JAKMIP1: variants seen among roughly 807,000 people sequenced by gnomAD.
JAKMIP1 encodes janus kinase and microtubule interacting protein 1.
A neutral mutation model predicts 113.0 loss-of-function variants in JAKMIP1; 33 were observed. That is an observed-to-expected ratio of 0.29 (90% confidence interval 0.22 to 0.39). The LOEUF is 0.39. Ranked by LOEUF, JAKMIP1 falls within the 10% of genes least tolerant of loss-of-function variation. The pLI is 1.00. For synonymous variants in JAKMIP1, 480 were observed against 459.9 expected (o/e 1.04, Z -0.56); for missense variants, 813 against 1,080.5 (o/e 0.75, Z 3.47).
At chr4:6,075,697 C>T (rs935300041) in intron 8 of JAKMIP1, among the ~76,000 whole-genome samples, 6 of 152,184 alleles carry the variant, frequency 3.9e-5, no homozygotes, top group African/African-American at 1.2e-4. Flanking sequence ...AAAGGCAATT[C>T]GCTTATTTAG....
In JAKMIP1 at chr4:6,182,245, A is replaced by G. The variant is rs116741145; in HGVS notation, c.-148+18008T>C. On this transcript the variant is annotated intron_variant, in intron 1 of 20. Transcript: ENST00000409021. ...GGCAACATAATGAGACCTCATCTCT[A>G]CAAAATTAAAAAAATTAGTCAGGTG... Among the ~76,000 whole-genome samples the G allele has an allele frequency of 7.3e-3, 1,116 of 151,946 alleles. 13 individuals are homozygous for G. The highest frequency in any genetic ancestry group is 0.026 in the African/African-American group (1,061 of 41,440).
chr4:6,123,920 C>T (rs1397883741), intron 1 of JAKMIP1, among the ~76,000 whole-genome samples: 2 of 152,216 alleles, frequency 1.3e-5, no homozygotes, highest in Admixed American at 6.5e-5. Flanking sequence ...AAGGTGCTTG[C>T]TGTCTCTTTT....
In JAKMIP1 at chr4:6,096,210, A is replaced by T. The variant is rs902044982; in HGVS notation, c.624+9263T>A. On this transcript the variant is annotated intron_variant, in intron 3 of 20. Coordinates refer to ENST00000409021, the MANE Select transcript of JAKMIP1 (RefSeq NM_001099433.2). ...AATTACACCCTACCTTTAAAAAAAAATCCTGGCTAATTTGATTGGGTATGA... is the reference window on the plus strand; with the variant it reads ...AATTACACCCTACCTTTAAAAAAAATTCCTGGCTAATTTGATTGGGTATGA... 3.3e-5 allele frequency among the ~76,000 whole-genome samples: 5 copies of T among 152,298 alleles called. No homozygotes were observed. In the South Asian group the frequency reaches 1.0e-3, roughly 32 times the overall value.
rs752005027 is a variant in JAKMIP1, at chr4:6,192,471, G to A, written c.-148+7782C>T. Among the ~76,000 whole-genome samples the A allele has an allele frequency of 1.3e-5, 2 of 152,194 alleles. No individual in the cohort carries two copies. Among genetic ancestry groups the A allele is most frequent in the African/African-American group, 4.8e-5 (2 of 41,442 alleles). ...ACCGGCTGACAAACACCCACTGCAC[G>A]CAGACGCCACTGAGCCTGTTTTGGT... On this transcript the variant is annotated intron_variant, in intron 1 of 20. Coordinates refer to ENST00000409021, the MANE Select transcript of JAKMIP1 (RefSeq NM_001099433.2). The surrounding 1 kb of genome is among the most constrained non-coding windows in gnomAD (Gnocchi z 5.0).
At position 6,140,094 on chromosome 4, in the gene JAKMIP1, G is replaced by T. The variant is rs1003436383; in HGVS notation, c.-147-27097C>A. 2.0e-5 allele frequency among the ~76,000 whole-genome samples: 3 copies of T among 152,158 alleles called. No individual in the cohort carries two copies. Among genetic ancestry groups the T allele is most frequent in the African/African-American group, 7.2e-5 (3 of 41,404 alleles). On this transcript the variant is annotated intron_variant, in intron 1 of 20. Coordinates refer to ENST00000409021, the MANE Select transcript of JAKMIP1 (RefSeq NM_001099433.2). The surrounding 1 kb of genome is among the most constrained non-coding windows in gnomAD (Gnocchi z 9.4). Reference sequence around the variant, plus strand: ...AACGAATATATTTATTAGATGGATTGAGATGTACTGAGAATAGCTATGAAC... The same window carrying T: ...AACGAATATATTTATTAGATGGATTTAGATGTACTGAGAATAGCTATGAAC...
intron 8 of JAKMIP1, among the ~76,000 whole-genome samples, chr4:6,072,119 T>A (rs1045594999): frequency 6.6e-6 from 1 of 152,186 alleles, no homozygotes; most frequent in African/African-American, 2.4e-5. Context: ...AGTGTTGATT[T>A]ACTGAGCACA....
intron 1 of JAKMIP1, among the ~76,000 whole-genome samples, chr4:6,196,265 C>A (rs992240951): frequency 1.3e-4 from 20 of 152,192 alleles, no homozygotes; most frequent in African/African-American, 3.4e-4. Flanking sequence ...CCACTCCCTG[C>A]AAGCGCTCCT....
intron 11 of JAKMIP1, among the ~76,000 whole-genome samples, chr4:6,057,505 G>C (rs1451953899): frequency 1.3e-5 from 2 of 152,186 alleles, no homozygotes; most frequent in Admixed American, 1.3e-4. Context: ...ATGCACAGAA[G>C]AGGCCCTGGT....
At chr4:6,182,295 G>C (rs1384034006) in intron 1 of JAKMIP1, among the ~76,000 whole-genome samples, 1 of 151,720 alleles carries the variant, frequency 6.6e-6, no homozygotes, top group Non-Finnish European at 1.5e-5. Flanking sequence ...TGTAGTCCCA[G>C]CTACTTGGGA....
At chr4:6,041,853 T>C (rs1237456623) in intron 17 of JAKMIP1, among the ~76,000 whole-genome samples, 1 of 152,222 alleles carries the variant, frequency 6.6e-6, no homozygotes, top group Admixed American at 6.5e-5. Flanking sequence ...CATGAACGCA[T>C]GACCCTGCAG....
At position 6,156,102 on chromosome 4, in the gene JAKMIP1, C is replaced by A. The variant is rs1050829376; in HGVS notation, c.-147-43105G>T. Reference sequence around the variant, plus strand: ...CATCAACAAACTATTCTGAAATAATCTGTTGGCATTTCTAAATACCTGACC... The same window carrying A: ...CATCAACAAACTATTCTGAAATAATATGTTGGCATTTCTAAATACCTGACC... On this transcript the variant is annotated intron_variant, in intron 1 of 20. Coordinates refer to ENST00000409021, the MANE Select transcript of JAKMIP1 (RefSeq NM_001099433.2). The surrounding 1 kb of genome is among the most constrained non-coding windows in gnomAD (Gnocchi z 5.0). Among the ~76,000 whole-genome samples the A allele has an allele frequency of 3.3e-5, 5 of 152,222 alleles. No individual in the cohort carries two copies. Among genetic ancestry groups the A allele is most frequent in the African/African-American group, 1.2e-4 (5 of 41,454 alleles).
At chr4:6,055,276 G>A (rs534259978) in intron 12 of JAKMIP1, among the ~76,000 whole-genome samples, 2 of 152,212 alleles carry the variant, frequency 1.3e-5, no homozygotes, top group Non-Finnish European at 2.9e-5. Flanking sequence ...ACATGGGCAG[G>A]AGGGGTCTTT....
rs754746306 is a variant in JAKMIP1 at position 6,196,082 on chromosome 4, A to C, written c.-148+4171T>G. On this transcript the variant is annotated intron_variant, in intron 1 of 20. Transcript: ENST00000409021. ...TGCAGTTCTGAAAACCAATACTAACATCAAAGGCAGGAGGGATGCCCCCGG... is the reference window on the plus strand; with the variant it reads ...TGCAGTTCTGAAAACCAATACTAACCTCAAAGGCAGGAGGGATGCCCCCGG... Among the ~76,000 whole-genome samples the C allele has an allele frequency of 2.0e-4, 30 of 152,332 alleles. 1 individual carries two copies. Among genetic ancestry groups the C allele is most frequent in the East Asian group, 3.9e-4 (2 of 5,176 alleles).
intron 1 of JAKMIP1, among the ~76,000 whole-genome samples, chr4:6,131,919 C>T (rs1044177765): frequency 6.6e-6 from 1 of 152,112 alleles, no homozygotes; most frequent in African/African-American, 2.4e-5. Flanking sequence ...AAAGAATTTG[C>T]TATGGACACC....
Position 6,042,221 on chromosome 4 carries a change from T to G in JAKMIP1, c.2035A>C (p.Lys679Gln), listed in dbSNP as rs1225205057. ...GCGGCCTCGGTCCCCTCTATTTGCT[T>G]CAGCCACTAGAAAACAGCAGGGACA... is the stretch of plus-strand genomic sequence containing the variant. ...TVLALCEKWLKQIEGTEAALT... is the reference protein window; with the variant it reads ...TVLALCEKWLQQIEGTEAALT... Residue 679 changes from lysine (K) to glutamine (Q), a missense_variant, in exon 17 of 21, where the codon AAG becomes CAG. Transcript: ENST00000409021. This position sits in a 1 kb window ranked among gnomAD's most constrained non-coding sequence, Gnocchi z 5.2. 1.2e-5 allele frequency: 19 copies of G among 1,613,536 alleles called. No homozygotes were observed. The highest frequency in any genetic ancestry group is 1.5e-5 in the Non-Finnish European group (18 of 1,179,696).
intron 1 of JAKMIP1, among the ~76,000 whole-genome samples, chr4:6,166,172 C>G (rs1226410190): frequency 6.6e-6 from 1 of 152,216 alleles, no homozygotes; most frequent in Non-Finnish European, 1.5e-5. Flanking sequence ...TTCCAAGAAG[C>G]ATGTGGGCTT....
intron 1 of JAKMIP1, among the ~76,000 whole-genome samples, chr4:6,170,597 T>C (rs975821151): frequency 7.1e-6 from 1 of 141,710 alleles, no homozygotes; most frequent in Non-Finnish European, 1.5e-5. Flanking sequence ...ACCATTGTCC[T>C]CAACAGTGTC....
At position 6,155,107 on chromosome 4, in the gene JAKMIP1, G is replaced by C. The variant is rs1474183207; in HGVS notation, c.-147-42110C>G. Among the ~76,000 whole-genome samples, 1 of 152,138 alleles carries C rather than the reference G, an allele frequency of 6.6e-6. No individual in the cohort carries two copies. The highest frequency in any genetic ancestry group is 6.5e-5 in the Admixed American group (1 of 15,286). ...GAAGATACTTCTGGTGACAGTGTTG[G>C]GGTGTGCTGAAATTGGATCTGTGAC... is the stretch of plus-strand genomic sequence containing the variant. On this transcript the variant is annotated intron_variant, in intron 1 of 20. Coordinates refer to ENST00000409021, the MANE Select transcript of JAKMIP1 (RefSeq NM_001099433.2). This position sits in a 1 kb window ranked among gnomAD's most constrained non-coding sequence, Gnocchi z 6.1.
rs1429828727 is a variant in JAKMIP1, at chr4:6,059,500, T to C, written c.1644+924A>G. On this transcript the variant is annotated intron_variant, in intron 11 of 20. Transcript: ENST00000409021. This position sits in a 1 kb window ranked among gnomAD's most constrained non-coding sequence, Gnocchi z 4.8. ...CTTGCCTGGCCTCCTCAGCCCCCCA[T>C]AGATGCCTCTCTGCAGGCAGGGGTG... is the stretch of plus-strand genomic sequence containing the variant. Among the ~76,000 whole-genome samples, 1 of 152,062 alleles carries C rather than the reference T, an allele frequency of 6.6e-6. No homozygotes were observed. The highest frequency in any genetic ancestry group is 1.5e-5 in the Non-Finnish European group (1 of 67,988).
Sources: gnomAD v4.1 joint callset for allele counts (sites outside exome capture counted in the v4.1 genomes callset) on GRCh38, gnomAD v4.1.1 for gene constraint, Gnocchi (gnomAD v3.1) non-coding constraint, MANE v1.5 for transcripts, NCBI Gene and HGNC (gene_info 2026-07-23, HGNC 2026-07-21) for gene names.